ASTN2: variants seen among roughly 807,000 people sequenced by gnomAD.
ASTN2 encodes astrotactin 2.
Under a neutral mutation model 139.8 loss-of-function variants are expected in ASTN2, and 54 were observed. The observed-to-expected ratio is 0.39, with a 90% confidence interval of 0.31 to 0.48. ASTN2 has a LOEUF of 0.48. Ranked by LOEUF, ASTN2 falls within the 20% of genes least tolerant of loss-of-function variation. ASTN2 has a pLI of 0.95. For missense variants in ASTN2, 1,565 were observed against 1,725.1 expected (o/e 0.91, Z 1.64); for synonymous variants, 756 against 719.5 (o/e 1.05, Z -0.81).
chr9:116,832,637 T>G (rs1335869263), intron 11 of ASTN2, among the ~76,000 whole-genome samples: 1 of 152,130 alleles, frequency 6.6e-6, no homozygotes, highest in Non-Finnish European at 1.5e-5. Context: ...TTTCTTCTTC[T>G]GCCTGTTATT....
intron 6 of ASTN2, among the ~76,000 whole-genome samples, chr9:117,024,415 T>TA (rs144618438): frequency 9.9e-5 from 15 of 151,588 alleles, no homozygotes; most frequent in East Asian, 5.9e-4. Context: ...TGTTTTTTTT[T>TA]AAAAAGTTAT....
chr9:116,571,573 G>A (rs1178206588), intron 19 of ASTN2, among the ~76,000 whole-genome samples: 1 of 152,168 alleles, frequency 6.6e-6, no homozygotes, highest in Non-Finnish European at 1.5e-5. Flanking sequence ...ATGTGTCTGT[G>A]TCTGTTTGTG....
At chr9:116,932,606 A>G (rs1214173121) in intron 10 of ASTN2, among the ~76,000 whole-genome samples, 1 of 152,124 alleles carries the variant, frequency 6.6e-6, no homozygotes, top group Non-Finnish European at 1.5e-5. Context: ...ACACCCCATG[A>G]GAGCTAGACA....
At chr9:117,239,585 C>G (rs886885895) in intron 2 of ASTN2, among the ~76,000 whole-genome samples, 1 of 152,144 alleles carries the variant, frequency 6.6e-6, no homozygotes, top group African/African-American at 2.4e-5. Flanking sequence ...CAAGGGATAA[C>G]CCCCCTCCAT....
At chr9:116,719,395 T>C (rs1322039992) in intron 16 of ASTN2, among the ~76,000 whole-genome samples, 1 of 151,974 alleles carries the variant, frequency 6.6e-6, no homozygotes, top group Non-Finnish European at 1.5e-5. Flanking sequence ...TGGATAAAAT[T>C]AAGGAGTTAA....
At chr9:116,691,378 G>A (rs1423112842) in intron 16 of ASTN2, among the ~76,000 whole-genome samples, 1 of 152,126 alleles carries the variant, frequency 6.6e-6, no homozygotes, top group Non-Finnish European at 1.5e-5. Context: ...GGCAGCGTAG[G>A]TACTACTCAA....
intron 2 of ASTN2, among the ~76,000 whole-genome samples, chr9:117,250,113 AATTTC>A (rs1369670149): frequency 5.9e-5 from 9 of 152,156 alleles, no homozygotes; most frequent in African/African-American, 2.2e-4. Context: ...GCTTCTTATG[AATTTC>A]ATTTCATTTC....
At chr9:116,808,100 T>C (rs183165460) in intron 12 of ASTN2, among the ~76,000 whole-genome samples, 1 of 152,262 alleles carries the variant, frequency 6.6e-6, no homozygotes, top group East Asian at 1.9e-4. Context: ...GGCAACAGTG[T>C]GAGACTTCGT....
chr9:116,871,049 G>C (rs774476260), intron 10 of ASTN2, among the ~76,000 whole-genome samples: 1 of 152,138 alleles, frequency 6.6e-6, no homozygotes, highest in Non-Finnish European at 1.5e-5. Flanking sequence ...TTGAGGCCAG[G>C]AGATCGAGAC....
At chr9:117,354,233 T>C (rs899731249) in intron 1 of ASTN2, among the ~76,000 whole-genome samples, 16 of 152,022 alleles carry the variant, frequency 1.1e-4, no homozygotes, top group African/African-American at 3.4e-4. Flanking sequence ...AATGAAACTG[T>C]TTACAAAGAA....
chr9:116,944,179 G>A (rs1280511202), intron 10 of ASTN2, among the ~76,000 whole-genome samples: 1 of 151,936 alleles, frequency 6.6e-6, no homozygotes, highest in Non-Finnish European at 1.5e-5. Context: ...AAAATGCCCA[G>A]CGTCTTAATA....
intron 5 of ASTN2, among the ~76,000 whole-genome samples, chr9:117,078,818 C>T (rs1283399715): frequency 1.3e-5 from 2 of 152,318 alleles, no homozygotes; most frequent in Non-Finnish European, 2.9e-5. Context: ...TCACTGCAAC[C>T]TCCACCTCCC....
intron 2 of ASTN2, among the ~76,000 whole-genome samples, chr9:117,239,474 CG>C (rs1341520161): frequency 2.0e-5 from 3 of 152,130 alleles, no homozygotes; most frequent in Non-Finnish European, 4.4e-5. Context: ...CCACTGTTGT[CG>C]GGGCAGCAAG....
chr9:116,443,668 A>G (rs529682841), intron 20 of ASTN2, among the ~76,000 whole-genome samples: 4 of 152,238 alleles, frequency 2.6e-5, no homozygotes, highest in African/African-American at 9.6e-5. Context: ...GGGAGCAGAA[A>G]TGACTTTCTA....
chr9:116,488,411 G>C (rs1849407911), intron 19 of ASTN2, among the ~76,000 whole-genome samples: 2 of 152,066 alleles, frequency 1.3e-5, no homozygotes, highest in Non-Finnish European at 2.9e-5. Context: ...GAAGGTGCCA[G>C]AATCATTGTT....
chr9:116,671,825 A>G (rs1859209572), intron 16 of ASTN2, among the ~76,000 whole-genome samples: 1 of 152,144 alleles, frequency 6.6e-6, no homozygotes, highest in African/African-American at 2.4e-5. Flanking sequence ...ATCAAAATAT[A>G]TATGTCATCT....
intron 22 of ASTN2, among the ~76,000 whole-genome samples, chr9:116,432,081 A>G (rs1469006293): frequency 2.0e-5 from 3 of 152,212 alleles, no homozygotes; most frequent in African/African-American, 4.8e-5. Context: ...TTAATCTAAA[A>G]GGCATGAGAG....
chr9:117,176,753 C>T (rs1356248724), intron 3 of ASTN2, among the ~76,000 whole-genome samples: 2 of 152,022 alleles, frequency 1.3e-5, no homozygotes, highest in East Asian at 3.9e-4. Flanking sequence ...AGTAGCATAG[C>T]AAGACTTCAT....
At chr9:116,501,698 G>A (rs181106045) in intron 19 of ASTN2, among the ~76,000 whole-genome samples, 3,785 of 147,254 alleles carry the variant, frequency 0.026, 135 homozygotes, top group African/African-American at 0.081. Context: ...TCTGGGGACT[G>A]TTGTGGGGTG....
Sources: gnomAD v4.1 joint callset for allele counts (sites outside exome capture counted in the v4.1 genomes callset) on GRCh38, gnomAD v4.1.1 for gene constraint, MANE v1.5 for transcripts, NCBI Gene and HGNC (gene_info 2026-07-23, HGNC 2026-07-21) for gene names.